KALRN: variants seen among roughly 807,000 people sequenced by gnomAD.
KALRN encodes kalirin.
In KALRN, 70 loss-of-function variants were observed where a neutral mutation model predicts 353.7. The ratio of observed to expected loss-of-function variants is 0.20; its 90% CI spans 0.16 to 0.24. The LOEUF (loss-of-function observed/expected upper bound fraction) is 0.24, where lower values mean the gene tolerates loss of function less well. Ranked by LOEUF, KALRN falls within the 10% of genes least tolerant of loss-of-function variation. The pLI, the probability that KALRN is intolerant of heterozygous loss-of-function variation, is 1.00. For synonymous variants in KALRN, 1,391 were observed against 1,434.8 expected, an observed-to-expected ratio of 0.97 and a Z score of 0.69; for missense variants, 2,791 against 3,756.7, an observed-to-expected ratio of 0.74 and a Z score of 6.72.
chr3:124,385,195 A>C (rs941125616), intron 11 of KALRN, among the ~76,000 whole-genome samples, 159 bp downstream of exon 11: 2 of 152,248 alleles, frequency 1.3e-5, no homozygotes, highest in Middle Eastern at 3.4e-3. Flanking sequence ...GATAGCCTGC[A>C]TTTAGGTCTC....
intron 1 of KALRN, among the ~76,000 whole-genome samples, chr3:124,074,944 A>G (rs1293497895): frequency 6.6e-6 from 1 of 152,206 alleles, no homozygotes; most frequent in African/African-American, 2.4e-5. Context: ...TGTAAATTAA[A>G]TTTATGTAAA....
At chr3:124,423,066 C>G in intron 15 of KALRN, 88 bp downstream of exon 15, 1 of 1,296,168 alleles carries the variant, frequency 7.7e-7, no homozygotes, top group Non-Finnish European at 1.1e-6. Flanking sequence ...GTAAGGCATA[C>G]AGAGCCACAG....
chr3:124,685,026 C>A (rs747536552), intron 51 of KALRN, among the ~76,000 whole-genome samples: 2 of 152,144 alleles, frequency 1.3e-5, no homozygotes, highest in Non-Finnish European at 2.9e-5. Context: ...TTGAAGGAAA[C>A]TTTTACACCC....
At chr3:124,402,503 T>C (rs1427190176) in intron 13 of KALRN, among the ~76,000 whole-genome samples, 3 of 152,238 alleles carry the variant, frequency 2.0e-5, no homozygotes, top group Non-Finnish European at 4.4e-5. Context: ...ATGGTAAGAA[T>C]ACAGGTGATT....
chr3:124,668,146 A>ATGG (rs759804841), intron 47 of KALRN, among the ~76,000 whole-genome samples: 2 of 151,886 alleles, frequency 1.3e-5, no homozygotes, highest in Admixed American at 6.6e-5. Context: ...TCCGTCCTAC[A>ATGG]TGGCCATACG....
chr3:124,216,545 C>T (rs1407053811), intron 1 of KALRN, among the ~76,000 whole-genome samples: 3 of 152,166 alleles, frequency 2.0e-5, no homozygotes, highest in Non-Finnish European at 4.4e-5. Context: ...CATTTTGAGG[C>T]AGGGTTTATA....
chr3:124,348,927 C>T (rs1346597105), intron 10 of KALRN, among the ~76,000 whole-genome samples: 1 of 152,118 alleles, frequency 6.6e-6, no homozygotes, highest in East Asian at 1.9e-4. Context: ...CCACGTTGGC[C>T]AGGCTGGTCT....
At chr3:124,603,671 C>T (rs13065712) in intron 34 of KALRN, among the ~76,000 whole-genome samples, 90,061 of 151,406 alleles carry the variant, frequency 0.59, 26,945 homozygotes, top group East Asian at 0.83. Context: ...AACTCTCCCA[C>T]GAGCATGGAT....
rs1247897277 is a variant in KALRN at position 124,674,436 on chromosome 3, G to A, written c.7015G>A (p.Glu2339Lys). The A allele has an allele frequency of 6.2e-7, 1 of 1,613,966 alleles. No individual in the cohort carries two copies. Among genetic ancestry groups the A allele is most frequent in the African/African-American group, 1.3e-5 (1 of 74,910 alleles). ...AGATTACTATGCACTGAAGGAGAAT[G>A]AAATCTGTGTGAGCCAAGGTGAGGT... Reference protein sequence around the residue: ...IKDYYALKENEICVSQGEVVQ... With the variant: ...IKDYYALKENKICVSQGEVVQ... Residue 2339 changes from glutamate to lysine, a missense_variant, in exon 49 of 60, where the codon GAA becomes AAA. Glu to Lys is a moderately conservative substitution (Grantham distance 56). This residue lies in a region of KALRN where 1,065 missense variants were observed against 1,156.4 expected (regional missense o/e 0.92). Transcript: ENST00000682506.
At chr3:124,355,709 CT>C (rs3055894) in intron 10 of KALRN, among the ~76,000 whole-genome samples, 4,005 of 96,984 alleles carry the variant, frequency 0.041, 24 homozygotes, top group Middle Eastern at 0.094. Context: ...TCTCTCCCAT[CT>C]TTTTTTTTTT....
chr3:124,243,262 G>C (rs1237093874), intron 3 of KALRN, among the ~76,000 whole-genome samples: 1 of 152,194 alleles, frequency 6.6e-6, no homozygotes, highest in East Asian at 1.9e-4. Context: ...CAGTCCATGT[G>C]GGGCTAAGGG....
intron 6 of KALRN, among the ~76,000 whole-genome samples, chr3:124,322,666 G>A (rs1307718886): frequency 6.6e-6 from 1 of 152,180 alleles, no homozygotes; most frequent in African/African-American, 2.4e-5. Context: ...ATTGACCAAA[G>A]GCCATGAAAA....
At chr3:124,485,607 C>T (rs377159834) in intron 28 of KALRN, among the ~76,000 whole-genome samples, 221 of 152,328 alleles carry the variant, frequency 1.5e-3, no homozygotes, top group Non-Finnish European at 2.4e-3. Flanking sequence ...AGGCTGGGCA[C>T]AGTGGCTCAC....
chr3:124,239,047 T>C (rs544912681), intron 3 of KALRN, among the ~76,000 whole-genome samples: 1 of 152,348 alleles, frequency 6.6e-6, no homozygotes, highest in Non-Finnish European at 1.5e-5. Context: ...GGAATCTTGG[T>C]GAGGCCTCAT....
intron 1 of KALRN, among the ~76,000 whole-genome samples, chr3:124,071,747 T>C (rs2060028555): frequency 6.6e-6 from 1 of 152,162 alleles, no homozygotes; most frequent in Non-Finnish European, 1.5e-5. Flanking sequence ...CACCTCTTAA[T>C]ACCATCACAT....
At chr3:124,437,851 TC>T (rs2093533446) in intron 17 of KALRN, among the ~76,000 whole-genome samples, 1 of 152,218 alleles carries the variant, frequency 6.6e-6, no homozygotes, top group Admixed American at 6.5e-5. Context: ...CTGAAGGAAA[TC>T]CAGTATCCAT....
At chr3:124,074,976 G>A (rs750732758) in intron 1 of KALRN, among the ~76,000 whole-genome samples, 2 of 151,892 alleles carry the variant, frequency 1.3e-5, no homozygotes, top group African/African-American at 2.4e-5. Flanking sequence ...TTATTAGTTC[G>A]CATTCATATT....
At chr3:124,556,012 C>T (rs562228863) in intron 33 of KALRN, among the ~76,000 whole-genome samples, 6 of 152,204 alleles carry the variant, frequency 3.9e-5, no homozygotes, top group South Asian at 2.1e-4. Context: ...GTCCAATTTC[C>T]TCATCTTAAA....
At chr3:124,689,704 G>A (rs1445936974) in intron 51 of KALRN, among the ~76,000 whole-genome samples, 1 of 152,102 alleles carries the variant, frequency 6.6e-6, no homozygotes, top group Non-Finnish European at 1.5e-5. Context: ...TACTAATTGG[G>A]TGACTTCAGT....
Sources: gnomAD v4.1 joint callset for allele counts (sites outside exome capture counted in the v4.1 genomes callset) on GRCh38, gnomAD v4.1.1 for gene constraint, gnomAD v4.1.1 regional missense constraint, MANE v1.5 for transcripts, NCBI Gene and HGNC (gene_info 2026-07-23, HGNC 2026-07-21) for gene names.